The following ENTPD7 variants were observed in gnomAD, a reference collection of about 807,000 sequenced individuals.
ENTPD7 encodes the protein NTPDase 7.
ENTPD7 carries 53 observed loss-of-function variants against 77.9 expected under a neutral mutation model. The observed-to-expected ratio is 0.68, with a 90% CI of 0.55 to 0.85. The LOEUF (loss-of-function observed/expected upper bound fraction) is 0.85. Among genes scored for constraint, ENTPD7 ranks in the 40% least tolerant of loss-of-function variants. ENTPD7 has a pLI of 0.00. For synonymous variants in ENTPD7, 248 were observed against 274.9 expected, an observed-to-expected ratio of 0.90 and a Z score of 0.97; for missense variants, 636 against 743.7, an observed-to-expected ratio of 0.86 and a Z score of 1.68.
rs2036323782 is a variant in ENTPD7 at position 99,709,661 on chromosome 10, CTGTTTGGGTG to C, written c.*4980_*4989del. ...ATCTAAGTTGGAAAGCTGTGGCACC[CTGTTTGGGTG>C]TCCCATCTACCCTGTTTTCTGTTTC... On this transcript the variant is annotated 3_prime_UTR_variant, in exon 13 of 13. Transcript: ENST00000370489. The C allele has an allele frequency of 1.0e-6, 1 of 985,290 alleles. No individual in the cohort carries two copies. The highest frequency in any genetic ancestry group is 1.2e-6 in the Non-Finnish European group (1 of 829,932). The allele number at this position is 985,290 out of a possible 1,614,324, so 61.0% of individuals were successfully genotyped here.
rs573307406 is a variant in ENTPD7, at chr10:99,689,618, C to T, written c.709+868C>T. On this transcript the variant is annotated intron_variant, in intron 7 of 12. Coordinates refer to ENST00000370489, the MANE Select transcript of ENTPD7 (RefSeq NM_020354.5). ...GGCGCTGTGTGTTTTCCACTACTCACATCAGGAGTTTTGTAATGTCTGGTT... is the reference window on the plus strand; with the variant it reads ...GGCGCTGTGTGTTTTCCACTACTCATATCAGGAGTTTTGTAATGTCTGGTT... 5.3e-5 allele frequency among the ~76,000 whole-genome samples: 8 copies of T among 152,312 alleles called. 1 individual carries two copies. The South Asian group carries it at 1.2e-3, about 24-fold the overall frequency.
intron 3 of ENTPD7, among the ~76,000 whole-genome samples, chr10:99,671,225 C>G (rs1358341233): frequency 6.6e-6 from 1 of 151,870 alleles, no homozygotes; most frequent in African/African-American, 2.4e-5. Flanking sequence ...TTTCTTTCTT[C>G]AATAATAAAT....
Position 99,678,579 on chromosome 10 carries a change from T to C in ENTPD7, c.192-682T>C, listed in dbSNP as rs564277011. 6.5e-4 allele frequency among the ~76,000 whole-genome samples: 99 copies of C among 151,552 alleles called. 1 individual carries two copies. Among genetic ancestry groups the C allele is most frequent in the Admixed American group, 2.8e-3 (42 of 15,216 alleles). ...TTTAATGCAATTCTAGCAATATAAATACAAAACAAAAAGCAAAACCAAAAA... is the reference window on the plus strand; with the variant it reads ...TTTAATGCAATTCTAGCAATATAAACACAAAACAAAAAGCAAAACCAAAAA... On this transcript the variant is annotated intron_variant, in intron 3 of 12. Transcript: ENST00000370489.
chr10:99,661,932 A>G (rs1414153398), intron 3 of ENTPD7, among the ~76,000 whole-genome samples: 1 of 152,092 alleles, frequency 6.6e-6, no homozygotes, highest in Admixed American at 6.5e-5. Context: ...TTATTAAATG[A>G]TTTTCTTTAT....
intron 5 of ENTPD7, among the ~76,000 whole-genome samples, chr10:99,680,901 C>A (rs1226369054): frequency 6.6e-6 from 1 of 152,142 alleles, no homozygotes; most frequent in South Asian, 2.1e-4. Flanking sequence ...GTATACAATA[C>A]GTTATTGTTG....
At chr10:99,671,033 A>G (rs1385659772) in intron 3 of ENTPD7, among the ~76,000 whole-genome samples, 1 of 151,898 alleles carries the variant, frequency 6.6e-6, no homozygotes, top group Non-Finnish European at 1.5e-5. Context: ...TAATAATAAT[A>G]ATAATAATAA....
chr10:99,664,516 C>T (rs559155356), intron 3 of ENTPD7, among the ~76,000 whole-genome samples: 2 of 147,522 alleles, frequency 1.4e-5, no homozygotes, highest in African/African-American at 5.0e-5. Context: ...GTGGCGCTGT[C>T]TCAGCTCACT....
At chr10:99,702,999 A>G (rs1445331880) in intron 12 of ENTPD7, among the ~76,000 whole-genome samples, 1 of 152,224 alleles carries the variant, frequency 6.6e-6, no homozygotes, top group Admixed American at 6.5e-5. Flanking sequence ...CTGACAAGCT[A>G]AAATGTCATT....
intron 3 of ENTPD7, among the ~76,000 whole-genome samples, chr10:99,676,313 T>C (rs2035680677): frequency 6.6e-6 from 1 of 152,102 alleles, no homozygotes; most frequent in Admixed American, 6.5e-5. Context: ...ATAGTAAATA[T>C]AGATAGATAC....
chr10:99,694,192 A>G lies in ENTPD7; in HGVS notation c.844-1764A>G, dbSNP rs1590051887. Reference sequence around the variant, plus strand: ...CATTTCCCATTAGCAGTCACTCCTCATTCTCTCCTCTCCCTACCCCTGACA... The same window carrying G: ...CATTTCCCATTAGCAGTCACTCCTCGTTCTCTCCTCTCCCTACCCCTGACA... On this transcript the variant is annotated intron_variant, in intron 8 of 12. Coordinates refer to ENST00000370489, the MANE Select transcript of ENTPD7 (RefSeq NM_020354.5). 2.0e-5 allele frequency among the ~76,000 whole-genome samples: 3 copies of G among 152,044 alleles called. No homozygotes were observed. The East Asian group carries it at 5.8e-4, about 29-fold the overall frequency.
chr10:99,702,235 C>A (rs7076051), intron 11 of ENTPD7, among the ~76,000 whole-genome samples: 130,700 of 152,026 alleles, frequency 0.86, 56,260 homozygotes, highest in Middle Eastern at 0.92. Context: ...CCCAAACATC[C>A]TATAATTACA....
intron 3 of ENTPD7, among the ~76,000 whole-genome samples, chr10:99,670,066 C>A (rs1467553641): frequency 6.6e-6 from 1 of 152,070 alleles, no homozygotes; most frequent in African/African-American, 2.4e-5. Context: ...GTGTTTTAAT[C>A]AACTATTTTT....
intron 6 of ENTPD7, among the ~76,000 whole-genome samples, chr10:99,688,150 C>G (rs1360547830): frequency 1.3e-5 from 2 of 152,116 alleles, no homozygotes; most frequent in Admixed American, 6.5e-5. Context: ...AGTTGAAGTT[C>G]CTCTGTTCAC....
In ENTPD7 at chr10:99,707,807, T is replaced by G. The variant is rs1271091142; in HGVS notation, c.*3124T>G. On this transcript the variant is annotated 3_prime_UTR_variant, in exon 13 of 13. Transcript: ENST00000370489. ...GTAAAATACCCATTTATGTGGCATT[T>G]CATTCACTTAAGTTGCAGTTAACTC... Among the ~76,000 whole-genome samples the G allele has an allele frequency of 2.0e-5, 3 of 152,240 alleles. No homozygotes were observed. Among genetic ancestry groups the G allele is most frequent in the Admixed American group, 1.3e-4 (2 of 15,282 alleles).
intron 5 of ENTPD7, among the ~76,000 whole-genome samples, chr10:99,685,039 C>T (rs2035795017): frequency 6.6e-6 from 1 of 152,154 alleles, no homozygotes; most frequent in African/African-American, 2.4e-5. Context: ...AGGTGAATCA[C>T]CTGAGGTCAG....
chr10:99,690,542 C>T (rs1277192939), intron 7 of ENTPD7, among the ~76,000 whole-genome samples: 3 of 146,638 alleles, frequency 2.0e-5, no homozygotes, highest in Non-Finnish European at 4.5e-5. Flanking sequence ...CAATATGTTT[C>T]ATAATTTTTT....
At position 99,708,724 on chromosome 10, in the gene ENTPD7, T is replaced by C; in HGVS notation, c.*4041T>C. ...GTAATCATAATAAATTTCAGAAGAG[T>C]TTTAAAGCTTCTGGTCAACCCCCTT... is the stretch of plus-strand genomic sequence containing the variant. On this transcript the variant is annotated 3_prime_UTR_variant, in exon 13 of 13. Coordinates refer to ENST00000370489, the MANE Select transcript of ENTPD7 (RefSeq NM_020354.5). 1.6e-6 allele frequency: 1 copy of C among 615,668 alleles called. No individual in the cohort carries two copies. The highest frequency in any genetic ancestry group is 2.0e-5 in the African/African-American group (1 of 49,718). 38.1% of individuals were successfully genotyped at this position (615,668 alleles called of 1,614,324 possible).
intron 3 of ENTPD7, among the ~76,000 whole-genome samples, chr10:99,666,891 G>T (rs1356454304): frequency 6.6e-6 from 1 of 152,202 alleles, no homozygotes; most frequent in Non-Finnish European, 1.5e-5. Flanking sequence ...CATCACTTTT[G>T]CACCATCATA....
intron 9 of ENTPD7, chr10:99,697,305 T>A (rs1225817975): frequency 6.5e-6 from 1 of 153,118 alleles, no homozygotes; most frequent in Admixed American, 6.5e-5. Flanking sequence ...AGATGTCTCC[T>A]GCAGGCACCA....
Sources: gnomAD v4.1 joint callset for allele counts (sites outside exome capture counted in the v4.1 genomes callset) on GRCh38, gnomAD v4.1.1 for gene constraint, MANE v1.5 for transcripts, NCBI Gene and HGNC (gene_info 2026-07-23, HGNC 2026-07-21) for gene names.